Variants in SHTN1 observed in about 807,000 individuals in gnomAD.
SHTN1 encodes shootin-1.
A neutral mutation model predicts 83.1 loss-of-function variants in SHTN1; 42 were observed. The observed-to-expected ratio is 0.51, with a 90% CI of 0.39 to 0.65. The LOEUF (loss-of-function observed/expected upper bound fraction) is 0.65. Among genes scored for constraint, SHTN1 ranks in the 30% least tolerant of loss-of-function variants. The pLI is 0.00. For synonymous variants in SHTN1, 224 were observed against 247.7 expected (o/e 0.90, Z 0.90); for missense variants, 622 against 737.8 (o/e 0.84, Z 1.82).
intron 2 of SHTN1, among the ~76,000 whole-genome samples, chr10:116,977,322 G>A (rs1850843522): frequency 6.6e-6 from 1 of 151,678 alleles, no homozygotes; most frequent in South Asian, 2.1e-4. Context: ...TACCTTCTAG[G>A]TTAAGTCAAA....
At chr10:116,926,963 G>A (rs1176636344) in intron 11 of SHTN1, among the ~76,000 whole-genome samples, 1 of 152,080 alleles carries the variant, frequency 6.6e-6, no homozygotes, top group Admixed American at 6.5e-5. Context: ...CAGAAAATAC[G>A]AATTCCTGTC....
intron 6 of SHTN1, among the ~76,000 whole-genome samples, chr10:116,949,292 AT>A (rs1849694168): frequency 6.6e-6 from 1 of 151,976 alleles, no homozygotes. Context: ...TATTTTTTTA[AT>A]TAAAAAAAAA....
intron 1 of SHTN1, among the ~76,000 whole-genome samples, chr10:117,049,860 A>C (rs1403993705): frequency 1.3e-5 from 2 of 152,212 alleles, no homozygotes; most frequent in Non-Finnish European, 2.9e-5. Context: ...ACATAGCTAA[A>C]GTAGCACTGA....
chr10:117,034,697 C>T (rs952134722), intron 2 of SHTN1, among the ~76,000 whole-genome samples: 2 of 150,628 alleles, frequency 1.3e-5, no homozygotes, highest in African/African-American at 4.9e-5. Context: ...CATCAGCAAA[C>T]AATCTTTAAG....
In SHTN1 at chr10:116,960,376, C is replaced by G. The variant is rs1850142827; in HGVS notation, c.173-146G>C. 1.1e-5 allele frequency: 6 copies of G among 528,698 alleles called. No homozygotes were observed. In the South Asian group the frequency reaches 1.6e-4, roughly 14 times the overall value. The allele number at this position is 528,698 out of a possible 1,614,324, so 32.8% of individuals were successfully genotyped here. A position where few individuals can be genotyped will look rare whatever the true frequency, so the allele number is the denominator to read the frequency against. On this transcript the variant is annotated intron_variant, in intron 3 of 16. Transcript: ENST00000355371. Reference sequence around the variant, plus strand: ...TCACTGAAAAAAGGTTTTTGAGAAGCTGCCCTGATTAAATCTGAGCTAATA... The same window carrying G: ...TCACTGAAAAAAGGTTTTTGAGAAGGTGCCCTGATTAAATCTGAGCTAATA...
At chr10:116,947,340 C>A (rs1210652776) in intron 7 of SHTN1, among the ~76,000 whole-genome samples, 3 of 152,144 alleles carry the variant, frequency 2.0e-5, no homozygotes, top group Admixed American at 2.0e-4. Context: ...CCAACAAAAT[C>A]TTTCAAAAGG....
intron 1 of SHTN1, among the ~76,000 whole-genome samples, chr10:117,064,654 C>CAAAA (rs11376208): frequency 7.3e-6 from 1 of 136,506 alleles, no homozygotes; most frequent in Non-Finnish European, 1.5e-5. Context: ...GACTTTGTCT[C>CAAAA]AAAAAAAAAA....
rs143469621 is a variant in SHTN1, at chr10:117,000,191, T to TCTA, written c.58+4828_58+4830dup. Among the ~76,000 whole-genome samples, 181 of 152,344 alleles carry TCTA rather than the reference T, an allele frequency of 1.2e-3. 1 individual carries two copies. The East Asian group carries it at 0.033, about 28-fold the overall frequency. On this transcript the variant is annotated intron_variant, in intron 1 of 16. Transcript: ENST00000355371. ...GGCAACATTTAATTCCAAACAGCTT[T>TCTA]CTACTGGCTGATCTCATATGCACCC...
rs530605410 is a variant in SHTN1, at chr10:117,017,384, G to A, written c.-123+31061C>T. On this transcript the variant is annotated intron_variant, in intron 2 of 17. Coordinates refer to the SHTN1 transcript ENST00000392901. ...CGGGTGCCTGTAGTCCCAGCTACTC[G>A]GGAGGCTGAGGAAGGAGAATGGCGT... Among the ~76,000 whole-genome samples the A allele has an allele frequency of 7.8e-4, 118 of 151,272 alleles. 2 individuals are homozygous for A. The South Asian group carries it at 0.023, about 29-fold the overall frequency.
upstream of SHTN1, chr10:117,005,465 G>T (rs1015044552): frequency 3.9e-5 from 40 of 1,036,642 alleles, no homozygotes; most frequent in Non-Finnish European, 4.6e-5. Context: ...CGGACTCAGG[G>T]ACGCGAGTTC....
At chr10:117,114,265 A>C (rs1853812077) in intron 1 of SHTN1, among the ~76,000 whole-genome samples, 1 of 152,208 alleles carries the variant, frequency 6.6e-6, no homozygotes, top group Non-Finnish European at 1.5e-5. Context: ...TTCAAACCCA[A>C]ATAGAATATC....
chr10:117,006,427 G>T (rs1453607255), upstream of SHTN1, among the ~76,000 whole-genome samples: 1 of 151,746 alleles, frequency 6.6e-6, no homozygotes, highest in Non-Finnish European at 1.5e-5. Context: ...TTAGCCGGGC[G>T]TGGTGGCAGG....
intron 9 of SHTN1, among the ~76,000 whole-genome samples, chr10:116,935,457 T>C (rs1849124633): frequency 6.6e-6 from 1 of 152,238 alleles, no homozygotes; most frequent in South Asian, 2.1e-4. Flanking sequence ...GTTTATGTGA[T>C]GGATTACATT....
chr10:116,982,682 C>T (rs1354135427), intron 1 of SHTN1, among the ~76,000 whole-genome samples: 1 of 152,086 alleles, frequency 6.6e-6, no homozygotes, highest in Non-Finnish European at 1.5e-5. Context: ...TCTGGCCGGG[C>T]GCAGTGGCTC....
At chr10:117,028,438 C>T (rs1427589493) in intron 2 of SHTN1, among the ~76,000 whole-genome samples, 1 of 152,152 alleles carries the variant, frequency 6.6e-6, no homozygotes, top group Non-Finnish European at 1.5e-5. Context: ...GAGCCAAGTG[C>T]TAGCAGCCAA....
intron 9 of SHTN1, among the ~76,000 whole-genome samples, chr10:116,934,596 C>CAA (rs1849087873): frequency 6.6e-6 from 1 of 152,034 alleles, no homozygotes; most frequent in Non-Finnish European, 1.5e-5. Flanking sequence ...TGAAGCCAGG[C>CAA]AGTGTGATGA....
At chr10:116,998,077 G>A (rs1314969182) in intron 1 of SHTN1, among the ~76,000 whole-genome samples, 1 of 152,100 alleles carries the variant, frequency 6.6e-6, no homozygotes, top group Non-Finnish European at 1.5e-5. Context: ...GGGGGACAGA[G>A]CGAGACTCTG....
intron 2 of SHTN1, among the ~76,000 whole-genome samples, chr10:117,014,241 C>T (rs1264060775): frequency 6.6e-6 from 1 of 152,102 alleles, no homozygotes; most frequent in African/African-American, 2.4e-5. Context: ...ACTCAATGCA[C>T]TTGTCAAAAT....
At chr10:117,073,227 C>T (rs187518699) in intron 1 of SHTN1, among the ~76,000 whole-genome samples, 2 of 152,204 alleles carry the variant, frequency 1.3e-5, no homozygotes, top group East Asian at 3.9e-4. Context: ...ACGACCAAAC[C>T]TAAGAATAAT....
Sources: allele counts gnomAD v4.1 joint callset (sites outside exome capture counted in the v4.1 genomes callset), GRCh38; gene constraint gnomAD v4.1.1; transcripts MANE v1.5; gene names NCBI Gene and HGNC (gene_info 2026-07-23, HGNC 2026-07-21).